Variants in MYT1L observed in about 807,000 individuals in gnomAD.
MYT1L encodes the protein myelin transcription factor 1-like protein.
Under a neutral mutation model 126.7 loss-of-function variants are expected in MYT1L, and 12 were observed. That is an observed-to-expected ratio of 0.09 (90% confidence interval 0.06 to 0.15). MYT1L has a LOEUF of 0.15. MYT1L is among the 10% of genes least tolerant of loss of function. MYT1L has a pLI of 1.00. For synonymous variants in MYT1L, 541 were observed against 604.2 expected, an observed-to-expected ratio of 0.90 and a Z score of 1.53; for missense variants, 979 against 1,585.2, an observed-to-expected ratio of 0.62 and a Z score of 6.49.
intron 14 of MYT1L, among the ~76,000 whole-genome samples, chr2:1,901,538 T>C (rs555026864): frequency 1.3e-5 from 2 of 152,318 alleles, no homozygotes; most frequent in African/African-American, 4.8e-5. Context: ...CAATATATGA[T>C]ACCTCCAAGA....
intron 9 of MYT1L, 34 bp downstream of exon 9, chr2:1,942,948 C>T (rs376674590): frequency 3.3e-6 from 5 of 1,494,904 alleles, no homozygotes; most frequent in Middle Eastern, 3.5e-4. Context: ...ACCCAAATCA[C>T]GACTTGTTAC....
At chr2:2,121,808 T>C (rs1376565320) in intron 3 of MYT1L, among the ~76,000 whole-genome samples, 1 of 152,190 alleles carries the variant, frequency 6.6e-6, no homozygotes, top group African/African-American at 2.4e-5. Context: ...TTCTCTATTA[T>C]GAATGCAGTC....
chr2:1,955,961 A>C lies in MYT1L; in HGVS notation c.153-12627T>G, dbSNP rs1332922124. Among the ~76,000 whole-genome samples the C allele has an allele frequency of 2.6e-5, 4 of 152,322 alleles. No homozygotes were observed. In the South Asian group the frequency reaches 8.3e-4, roughly 32 times the overall value. ...ATAGCTTAGGTTGTATATTTAATAG[A>C]GCTTAATATGACTGCTTTTGTTATG... On this transcript the variant is annotated intron_variant, in intron 8 of 24. Transcript: ENST00000647738.
intron 21 of MYT1L, among the ~76,000 whole-genome samples, chr2:1,832,637 C>A (rs1353430893): frequency 1.3e-5 from 2 of 152,198 alleles, no homozygotes; most frequent in South Asian, 4.1e-4. Flanking sequence ...TCTGCCTGCC[C>A]GTCCATTCCA....
chr2:1,913,384 G>A (rs1038026031), intron 11 of MYT1L, among the ~76,000 whole-genome samples: 5 of 152,080 alleles, frequency 3.3e-5, no homozygotes, highest in Admixed American at 6.6e-5. Flanking sequence ...TCTTGTGCTG[G>A]CACCTGGCTG....
chr2:2,163,572 A>C (rs1575585658), intron 3 of MYT1L, among the ~76,000 whole-genome samples: 1 of 151,554 alleles, frequency 6.6e-6, no homozygotes, highest in African/African-American at 2.4e-5. Context: ...AAAAATACAA[A>C]AAAAAAAAAA....
Position 2,274,318 on chromosome 2 carries a change from AAAGG to A in MYT1L, c.-421+10082_-421+10085del, listed in dbSNP as rs368945605. ...AAAAGAAAGGAAAGAAGGAAGGAAA[AAAGG>A]AAGGAAGGAAGGGAGGGAGGGAGGG... On this transcript the variant is annotated intron_variant, in intron 2 of 24. Coordinates refer to ENST00000647738, the MANE Select transcript of MYT1L (RefSeq NM_001303052.2). Among the ~76,000 whole-genome samples, 94 of 150,680 alleles carry A rather than the reference AAAGG, an allele frequency of 6.2e-4. No individual in the cohort carries two copies. In the East Asian group the frequency reaches 0.01, roughly 16 times the overall value.
intron 1 of MYT1L, among the ~76,000 whole-genome samples, chr2:2,322,817 T>C (rs1416227200): frequency 6.6e-6 from 1 of 152,216 alleles, no homozygotes; most frequent in African/African-American, 2.4e-5. Flanking sequence ...AAATGAAATG[T>C]AGCAATGAGA....
chr2:2,062,397 C>A (rs1364578877), intron 3 of MYT1L, among the ~76,000 whole-genome samples: 2 of 152,130 alleles, frequency 1.3e-5, no homozygotes, highest in Non-Finnish European at 2.9e-5. Flanking sequence ...TCTCAGGGAG[C>A]CGTCCGTGTC....
chr2:2,095,963 C>T (rs1035642448), intron 3 of MYT1L, among the ~76,000 whole-genome samples: 3 of 151,964 alleles, frequency 2.0e-5, no homozygotes, highest in East Asian at 2.0e-4. Flanking sequence ...CCCTGGTGAA[C>T]GTGGACACGC....
rs1047253830 is a variant in MYT1L at position 2,093,244 on chromosome 2, T to C, written c.-303-39121A>G. ...GAGACTGTTAAGATGTTAGGATACCTGGAGTGGAGAAAGTCAATGAGCCAG... is the reference window on the plus strand; with the variant it reads ...GAGACTGTTAAGATGTTAGGATACCCGGAGTGGAGAAAGTCAATGAGCCAG... On this transcript the variant is annotated intron_variant, in intron 3 of 24. Transcript: ENST00000647738. 3.1e-5 allele frequency among the ~76,000 whole-genome samples: 4 copies of C among 128,632 alleles called. No individual in the cohort carries two copies. In the Admixed American group the frequency reaches 4.1e-4, roughly 13 times the overall value. 84.4% of individuals were successfully genotyped at this position (128,632 alleles called of 152,430 possible).
intron 1 of MYT1L, among the ~76,000 whole-genome samples, chr2:2,304,524 G>A (rs1269348387): frequency 1.3e-5 from 2 of 152,156 alleles, no homozygotes; most frequent in Admixed American, 6.5e-5. Flanking sequence ...TTAATAATGA[G>A]CACTAGGTAA....
At chr2:2,227,091 T>C (rs1445834626) in intron 2 of MYT1L, among the ~76,000 whole-genome samples, 1 of 152,068 alleles carries the variant, frequency 6.6e-6, no homozygotes, top group Non-Finnish European at 1.5e-5. Flanking sequence ...AGGACACCAC[T>C]CTCCTGGATC....
chr2:1,832,598 G>A (rs1173664330), intron 21 of MYT1L, among the ~76,000 whole-genome samples: 4 of 152,070 alleles, frequency 2.6e-5, no homozygotes, highest in African/African-American at 7.2e-5. Flanking sequence ...ATCATGCCTC[G>A]CTTAGGTCTG....
intron 3 of MYT1L, among the ~76,000 whole-genome samples, chr2:2,125,824 T>C (rs373094953): frequency 6.6e-6 from 1 of 152,214 alleles, no homozygotes; most frequent in Non-Finnish European, 1.5e-5. Flanking sequence ...TAACTTTAAA[T>C]AGTATAAAGT....
chr2:1,850,514 C>T (rs963077196), intron 19 of MYT1L, among the ~76,000 whole-genome samples: 1 of 152,264 alleles, frequency 6.6e-6, no homozygotes, highest in Non-Finnish European at 1.5e-5. Flanking sequence ...TCACCATTCA[C>T]AGCATGTAGT....
rs117296214 is a variant in MYT1L, at chr2:2,207,465, C to T, written c.-420-34477G>A. Reference sequence around the variant, plus strand: ...CCAGCCTCACCCTGTGTTGAGCTTACGTAGTACAATACACCGTCAAGAACA... The same window carrying T: ...CCAGCCTCACCCTGTGTTGAGCTTATGTAGTACAATACACCGTCAAGAACA... On this transcript the variant is annotated intron_variant, in intron 2 of 24. Transcript: ENST00000647738. 1.8e-3 allele frequency among the ~76,000 whole-genome samples: 280 copies of T among 152,240 alleles called. 9 individuals carry two copies. In the East Asian group the frequency reaches 0.038, roughly 21 times the overall value.
chr2:1,820,038 G>C (rs1017664824), intron 21 of MYT1L, among the ~76,000 whole-genome samples: 2 of 152,022 alleles, frequency 1.3e-5, no homozygotes, highest in African/African-American at 4.8e-5. Context: ...CAGTGGGGGG[G>C]GGCCAGCGAG....
Position 1,844,437 on chromosome 2 carries a change from A to G in MYT1L, c.2775-3594T>C, listed in dbSNP as rs1276362352. 2.0e-5 allele frequency among the ~76,000 whole-genome samples: 3 copies of G among 152,208 alleles called. No individual in the cohort carries two copies. The East Asian group carries it at 5.8e-4, about 29-fold the overall frequency. On this transcript the variant is annotated intron_variant, in intron 19 of 24. Transcript: ENST00000647738. ...TATTTAAAACTTCCCTTTTTGGCTT[A>G]TAACATAGGATGGAAAGCCAGTACT...
Sources: allele counts gnomAD v4.1 joint callset (sites outside exome capture counted in the v4.1 genomes callset), GRCh38; gene constraint gnomAD v4.1.1; transcripts MANE v1.5; gene names NCBI Gene and HGNC (gene_info 2026-07-23, HGNC 2026-07-21).